The following SLC35B3 variants were observed in gnomAD, a reference collection of about 807,000 sequenced individuals.
SLC35B3 encodes solute carrier family 35 member B3.
In SLC35B3, 35 loss-of-function variants were observed where a neutral mutation model predicts 44.1. The observed-to-expected ratio is 0.79, with a 90% confidence interval of 0.61 to 1.05. The LOEUF (loss-of-function observed/expected upper bound fraction) is 1.05. Ranked by LOEUF, SLC35B3 falls within the 50% of genes least tolerant of loss-of-function variation. The pLI is 0.00. For synonymous variants in SLC35B3, 146 were observed against 167.3 expected (o/e 0.87, Z 0.98); for missense variants, 414 against 476.4 (o/e 0.87, Z 1.22).
chr6:8,431,014 T>A (rs1314671623), intron 2 of SLC35B3, among the ~76,000 whole-genome samples: 1 of 152,184 alleles, frequency 6.6e-6, no homozygotes, highest in Non-Finnish European at 1.5e-5. Flanking sequence ...ATCTCTTAGG[T>A]TAAAAAATGT....
rs1022073791 is a variant in SLC35B3 at position 8,434,862 on chromosome 6, A to G, written c.-43-432T>C. ...ACTGGAGGAAACTTGCAGAACTTCT[A>G]GTGGAAGTTTATGCCATAAACTTAA... On this transcript the variant is annotated intron_variant, in intron 1 of 10. Coordinates refer to ENST00000644923, the MANE Select transcript of SLC35B3 (RefSeq NM_001370476.2). The surrounding 1 kb of genome is among the most constrained non-coding windows in gnomAD (Gnocchi z 6.3). Among the ~76,000 whole-genome samples the G allele has an allele frequency of 6.6e-6, 1 of 152,214 alleles. No homozygotes were observed. Among genetic ancestry groups the G allele is most frequent in the Non-Finnish European group, 1.5e-5 (1 of 68,038 alleles).
chr6:8,428,595 G>C (rs919591129), intron 3 of SLC35B3, among the ~76,000 whole-genome samples: 2 of 152,110 alleles, frequency 1.3e-5, no homozygotes, highest in Non-Finnish European at 2.9e-5. Flanking sequence ...GCAGGGGTTT[G>C]TGTAATTTAA....
chr6:8,431,955 A>G (rs1234690148), intron 2 of SLC35B3, among the ~76,000 whole-genome samples: 1 of 146,684 alleles, frequency 6.8e-6, no homozygotes, highest in Non-Finnish European at 1.5e-5. Flanking sequence ...CCTTCTGTTC[A>G]TGATGTCCTT....
Position 8,419,933 on chromosome 6 carries a change from A to G in SLC35B3, c.683-256T>C, listed in dbSNP as rs956951045. 6.6e-6 allele frequency among the ~76,000 whole-genome samples: 1 copy of G among 152,108 alleles called. No homozygotes were observed. The highest frequency in any genetic ancestry group is 1.5e-5 in the Non-Finnish European group (1 of 67,980). ...ATTTCACATTTCAATAGCGTATTAA[A>G]TAACAGTTCCATAAATATTCTACTA... On this transcript the variant is annotated intron_variant, in intron 6 of 10. Coordinates refer to ENST00000644923, the MANE Select transcript of SLC35B3 (RefSeq NM_001370476.2). The surrounding 1 kb of genome is among the most constrained non-coding windows in gnomAD (Gnocchi z 4.3).
Position 8,420,789 on chromosome 6 carries a change from C to T in SLC35B3, c.614G>A (p.Cys205Tyr). 1.2e-6 allele frequency: 2 copies of T among 1,612,966 alleles called. No individual in the cohort carries two copies. Among genetic ancestry groups the T allele is most frequent in the South Asian group, 1.1e-5 (1 of 90,986 alleles). Residue 205 changes from cysteine (C) to tyrosine (Y), a missense_variant, in exon 6 of 11, where the codon TGT (cysteine) becomes TAT (tyrosine). Coordinates refer to ENST00000644923, the MANE Select transcript of SLC35B3 (RefSeq NM_001370476.2). The surrounding 1 kb of genome is among the most constrained non-coding windows in gnomAD (Gnocchi z 4.4). Reference sequence around the variant, plus strand: ...AAACCATATCAGGCCAAGGCTCATACATATGGCAGCAGACACATCTGCAAC... The same window carrying T: ...AAACCATATCAGGCCAAGGCTCATATATATGGCAGCAGACACATCTGCAAC...
rs1486581732 is a variant in SLC35B3 at position 8,429,956 on chromosome 6, C to CA, written c.204dup (p.Gly69TrpfsTer8). 2 of 1,612,054 alleles carry CA rather than the reference C, an allele frequency of 1.2e-6. No individual in the cohort carries two copies. The highest frequency in any genetic ancestry group is 4.5e-5 in the East Asian group (2 of 44,842). On this transcript the variant is annotated frameshift_variant, in exon 3 of 11. Coordinates refer to ENST00000644923, the MANE Select transcript of SLC35B3 (RefSeq NM_001370476.2). LOFTEE classifies it high-confidence loss of function. ...TTGTTAAACTTGCTGAGATTCATGC[C>CA]AAGTACCACAACGTCGTCAACTGAC...
intron 10 of SLC35B3, 44 bp downstream of exon 9, chr6:8,414,864 G>A (rs1164048519): frequency 9.1e-7 from 1 of 1,097,458 alleles, no homozygotes. Flanking sequence ...GTGAAACACA[G>A]TATCTAAAAA....
rs1402363944 is a variant in SLC35B3, at chr6:8,413,611, A to G, written c.1144T>C (p.Tyr382His). Residue 382 changes from tyrosine to histidine, a missense_variant, in exon 11 of 11, where the codon TAT (tyrosine) becomes CAT (histidine). Physicochemically the swap from Tyr to His is moderately conservative, Grantham distance 83. Coordinates refer to ENST00000644923, the MANE Select transcript of SLC35B3 (RefSeq NM_001370476.2). ...TCCACTGATTTGTTTATCAAATCAT[A>G]CAGTGATGGTAGTCTTATTTTATCC... is the stretch of plus-strand genomic sequence containing the variant. 1.9e-6 allele frequency: 3 copies of G among 1,604,614 alleles called. No homozygotes were observed. Among genetic ancestry groups the G allele is most frequent in the Non-Finnish European group, 2.6e-6 (3 of 1,174,190 alleles).
chr6:8,429,187 T>A (rs961235594), intron 3 of SLC35B3, among the ~76,000 whole-genome samples: 11 of 152,128 alleles, frequency 7.2e-5, no homozygotes, highest in African/African-American at 2.7e-4. Flanking sequence ...CATTCCAACA[T>A]CCTGTTTTCA....
rs1404679075 is a variant in SLC35B3, at chr6:8,411,623, T to C, written c.*1926A>G. ...ACCACTTGGGAAAAAACAATGGCTG[T>C]ATTTCAGCAAATGGGCAAATGAAAA... On this transcript the variant is annotated 3_prime_UTR_variant, in exon 11 of 11. Transcript: ENST00000644923. Among the ~76,000 whole-genome samples, 1 of 152,196 alleles carries C rather than the reference T, an allele frequency of 6.6e-6. No individual in the cohort carries two copies. The highest frequency in any genetic ancestry group is 2.4e-5 in the African/African-American group (1 of 41,462).
chr6:8,418,084 T>C (rs547567288), intron 7 of SLC35B3, among the ~76,000 whole-genome samples: 35 of 152,200 alleles, frequency 2.3e-4, no homozygotes, highest in Non-Finnish European at 3.7e-4. Context: ...ACCCTAGATA[T>C]GGGTATTCTT....
chr6:8,427,297 C>T (rs1324605938), intron 4 of SLC35B3, among the ~76,000 whole-genome samples: 1 of 152,122 alleles, frequency 6.6e-6, no homozygotes, highest in Non-Finnish European at 1.5e-5. Flanking sequence ...TTCATGGCAG[C>T]CACTCCCATC....
chr6:8,431,365 CTG>C (rs1201663565), intron 2 of SLC35B3, among the ~76,000 whole-genome samples: 1 of 152,004 alleles, frequency 6.6e-6, no homozygotes, highest in Non-Finnish European at 1.5e-5. Context: ...TTTTTTTAAA[CTG>C]TTACAAGATG....
Position 8,434,550 on chromosome 6 carries a change from T to TC in SLC35B3, c.-43-121dup. The TC allele has an allele frequency of 4.2e-6, 3 of 716,188 alleles. No homozygotes were observed. The highest frequency in any genetic ancestry group is 6.2e-6 in the Non-Finnish European group (3 of 485,338). The allele number at this position is 716,188 out of a possible 1,614,324, so 44.4% of individuals were successfully genotyped here. On this transcript the variant is annotated intron_variant, in intron 1 of 10. Transcript: ENST00000644923. The surrounding 1 kb of genome is among the most constrained non-coding windows in gnomAD (Gnocchi z 6.3). The stretch of plus-strand genomic sequence containing the variant: ...TGTTTGAAGACTATTCTTTTTTTTT[T>TC]CCAAGAGAAAAAGTTAACACTAGGA...
chr6:8,416,588 TG>T (rs1199344698), intron 9 of SLC35B3, among the ~76,000 whole-genome samples: 2 of 152,222 alleles, frequency 1.3e-5, no homozygotes, highest in Non-Finnish European at 2.9e-5. Context: ...GTACTTTCTT[TG>T]GAGGTCGTCA....
At position 8,413,505 on chromosome 6, in the gene SLC35B3, T is replaced by C; in HGVS notation, c.*44A>G. On this transcript the variant is annotated 3_prime_UTR_variant, in exon 11 of 11. Transcript: ENST00000644923. ...TCCCTTTGGAAAGTTAATTAATTGA[T>C]GATTGTTCCCTTAAAATTCTATTTT... is the stretch of plus-strand genomic sequence containing the variant. The C allele has an allele frequency of 6.5e-7, 1 of 1,528,766 alleles. No homozygotes were observed. Among genetic ancestry groups the C allele is most frequent in the Non-Finnish European group, 8.8e-7 (1 of 1,130,262 alleles). 94.7% of individuals were successfully genotyped at this position (1,528,766 alleles called of 1,614,324 possible).
chr6:8,416,192 A>G (rs921734179), intron 9 of SLC35B3, among the ~76,000 whole-genome samples: 10 of 152,170 alleles, frequency 6.6e-5, no homozygotes, highest in African/African-American at 2.4e-4. Context: ...TACTAGGGCT[A>G]TGTATGCATT....
chr6:8,423,606 T>C (rs1326543679), intron 4 of SLC35B3, among the ~76,000 whole-genome samples: 1 of 152,226 alleles, frequency 6.6e-6, no homozygotes, highest in Non-Finnish European at 1.5e-5. Flanking sequence ...GCACTATTCA[T>C]ACTGATAATG....
chr6:8,415,778 T>C (rs1438925923), intron 9 of SLC35B3, among the ~76,000 whole-genome samples: 1 of 152,078 alleles, frequency 6.6e-6, no homozygotes, highest in Non-Finnish European at 1.5e-5. Context: ...CTATTTTGAG[T>C]TGGGTATATG....
Sources: gnomAD v4.1 joint callset for allele counts (sites outside exome capture counted in the v4.1 genomes callset) on GRCh38, gnomAD v4.1.1 for gene constraint, Gnocchi (gnomAD v3.1) non-coding constraint, MANE v1.5 for transcripts, NCBI Gene and HGNC (gene_info 2026-07-23, HGNC 2026-07-21) for gene names.